Variants in ASAP1 observed in about 807,000 individuals in gnomAD.
ASAP1 encodes arf-GAP with SH3 domain, ANK repeat and PH domain-containing protein 1.
A neutral mutation model predicts 145.2 loss-of-function variants in ASAP1; 43 were observed. That is an observed-to-expected ratio of 0.30 (90% CI 0.23 to 0.38). The LOEUF (loss-of-function observed/expected upper bound fraction) is 0.38, where lower values mean the gene tolerates loss of function less well. Among genes scored for constraint, ASAP1 ranks in the 10% least tolerant of loss-of-function variants. The pLI, the probability that ASAP1 is intolerant of heterozygous loss-of-function variation, is 1.00. For synonymous variants in ASAP1, 546 were observed against 515.5 expected (o/e 1.06, Z -0.80); for missense variants, 1,018 against 1,355.3 (o/e 0.75, Z 3.91).
intron 1 of ASAP1, among the ~76,000 whole-genome samples, chr8:130,403,180 C>G (rs1828873093): frequency 6.6e-6 from 1 of 152,038 alleles, no homozygotes; most frequent in African/African-American, 2.4e-5. Flanking sequence ...ACTGTAAAAC[C>G]ACTACCATAC....
At chr8:130,340,014 T>C (rs1372083557) in intron 3 of ASAP1, among the ~76,000 whole-genome samples, 1 of 152,230 alleles carries the variant, frequency 6.6e-6, no homozygotes, top group Non-Finnish European at 1.5e-5. Context: ...GTACATTTGT[T>C]CATTCAAATG....
In ASAP1 at chr8:130,358,004, C is replaced by G; in HGVS notation, c.186+13G>C. 1 of 1,599,176 alleles carries G rather than the reference C, an allele frequency of 6.3e-7. No individual in the cohort carries two copies. The highest frequency in any genetic ancestry group is 8.5e-7 in the Non-Finnish European group (1 of 1,175,462). On this transcript the variant is annotated intron_variant, in intron 3 of 29. Coordinates refer to ENST00000518721, the MANE Select transcript of ASAP1 (RefSeq NM_018482.4). The surrounding 1 kb of genome is among the most constrained non-coding windows in gnomAD (Gnocchi z 4.1). ...CGGCGAGCGTGGACGGCGGGGGTCC[C>G]GGCCCGACCTACCTCCTCCAGCAGC... is the stretch of plus-strand genomic sequence containing the variant.
chr8:130,251,604 C>G (rs1188925550), intron 3 of ASAP1, among the ~76,000 whole-genome samples: 1 of 151,732 alleles, frequency 6.6e-6, no homozygotes, highest in Non-Finnish European at 1.5e-5. Context: ...AAAACCAAGA[C>G]AAAAGAACTA....
At chr8:130,413,143 C>T (rs906501037) in intron 1 of ASAP1, among the ~76,000 whole-genome samples, 13 of 152,200 alleles carry the variant, frequency 8.5e-5, no homozygotes, top group Non-Finnish European at 1.8e-4. Flanking sequence ...ATAAATGGAA[C>T]CTAGGTCTGT....
At chr8:130,362,531 G>A (rs1048309108) in intron 2 of ASAP1, among the ~76,000 whole-genome samples, 6 of 152,186 alleles carry the variant, frequency 3.9e-5, no homozygotes, top group Admixed American at 6.5e-5. Flanking sequence ...ATCAACCAAT[G>A]TGAATTCCCT....
chr8:130,428,439 C>CAGTAT (rs1830011966), intron 1 of ASAP1, among the ~76,000 whole-genome samples: 2 of 111,518 alleles, frequency 1.8e-5, no homozygotes, highest in African/African-American at 6.9e-5. Context: ...ATCATCACCA[C>CAGTAT]CACCACCATC....
intron 3 of ASAP1, among the ~76,000 whole-genome samples, chr8:130,284,844 C>T (rs964361774): frequency 1.4e-4 from 14 of 101,256 alleles, no homozygotes; most frequent in Non-Finnish European, 3.1e-4. Flanking sequence ...TTACACTCTA[C>T]ACACACACAC....
intron 1 of ASAP1, among the ~76,000 whole-genome samples, chr8:130,420,884 A>C (rs1273429416): frequency 2.1e-5 from 3 of 146,024 alleles, no homozygotes; most frequent in Non-Finnish European, 3.0e-5. Flanking sequence ...AAAGAGCAAA[A>C]CTCCAACTCA....
intron 3 of ASAP1, among the ~76,000 whole-genome samples, chr8:130,341,549 C>G (rs1311715665): frequency 6.6e-6 from 1 of 152,178 alleles, no homozygotes; most frequent in East Asian, 1.9e-4. Flanking sequence ...ACTAACATTA[C>G]AGATTTGTTA....
At chr8:130,151,370 C>CAAAAAAAAAAAAAAAAAAA (rs58367856) in intron 13 of ASAP1, among the ~76,000 whole-genome samples, 1 of 62,820 alleles carries the variant, frequency 1.6e-5, no homozygotes, top group African/African-American at 5.5e-5. Context: ...GACTCAGTCT[C>CAAAAAAAAAAAAAAAAAAA]AAAAAAAAAA....
At chr8:130,406,790 C>T (rs1338574808) in intron 1 of ASAP1, among the ~76,000 whole-genome samples, 1 of 152,046 alleles carries the variant, frequency 6.6e-6, no homozygotes, top group Non-Finnish European at 1.5e-5. Context: ...CCCTAGTTCT[C>T]TCATCTTTAA....
intron 9 of ASAP1, among the ~76,000 whole-genome samples, chr8:130,174,091 C>CAAAAAAA (rs57123447): frequency 1.6e-5 from 1 of 62,730 alleles, no homozygotes; most frequent in Non-Finnish European, 2.8e-5. Context: ...ACTCCGTCTC[C>CAAAAAAA]AAAAAAAAAA....
At chr8:130,181,472 ATAAT>A (rs539502282) in intron 7 of ASAP1, among the ~76,000 whole-genome samples, 117 of 152,362 alleles carry the variant, frequency 7.7e-4, no homozygotes, top group African/African-American at 2.7e-3. Flanking sequence ...ATTATTTCAA[ATAAT>A]TAAAGTATAT....
chr8:130,070,082 G>A (rs1452892058), intron 27 of ASAP1, among the ~76,000 whole-genome samples: 1 of 152,148 alleles, frequency 6.6e-6, no homozygotes, highest in Non-Finnish European at 1.5e-5. Flanking sequence ...TGTCGCCCAG[G>A]CTGGAGTGCA....
At chr8:130,186,290 A>C (rs1403314410) in intron 7 of ASAP1, among the ~76,000 whole-genome samples, 1 of 152,178 alleles carries the variant, frequency 6.6e-6, no homozygotes, top group Non-Finnish European at 1.5e-5. Flanking sequence ...GTCCCTAACA[A>C]TGCACTTTTC....
chr8:130,196,806 T>C (rs1391919198), intron 5 of ASAP1, among the ~76,000 whole-genome samples: 1 of 152,242 alleles, frequency 6.6e-6, no homozygotes, highest in Non-Finnish European at 1.5e-5. Context: ...CAGCTCCCAG[T>C]AGTTAAGTCT....
chr8:130,388,424 T>C (rs1036473098), intron 2 of ASAP1, among the ~76,000 whole-genome samples: 3 of 152,162 alleles, frequency 2.0e-5, no homozygotes, highest in Admixed American at 6.5e-5. Flanking sequence ...GTTGGACATA[T>C]TAAGTTTGAG....
intron 19 of ASAP1, 107 bp downstream of exon 19, chr8:130,118,382 C>A: frequency 7.3e-7 from 1 of 1,361,950 alleles, no homozygotes. Flanking sequence ...TAGACATGGC[C>A]ACCCAATGTA....
intron 1 of ASAP1, among the ~76,000 whole-genome samples, chr8:130,405,262 G>A (rs1469008375): frequency 2.1e-5 from 3 of 143,624 alleles, no homozygotes; most frequent in Admixed American, 6.9e-5. Flanking sequence ...GAGACACTGG[G>A]CCAGATTTAT....
Sources: gnomAD v4.1 joint callset for allele counts (sites outside exome capture counted in the v4.1 genomes callset) on GRCh38, gnomAD v4.1.1 for gene constraint, Gnocchi (gnomAD v3.1) non-coding constraint, MANE v1.5 for transcripts, NCBI Gene and HGNC (gene_info 2026-07-23, HGNC 2026-07-21) for gene names.